Variants in MAGEC3 observed in about 807,000 individuals in gnomAD.
MAGEC3 encodes melanoma-associated antigen C3.
MAGEC3 carries 34 observed loss-of-function variants against 35.3 expected under a neutral mutation model. The observed-to-expected ratio is 0.96, with a 90% CI of 0.73 to 1.28. The LOEUF is 1.28. Ranked by LOEUF, MAGEC3 falls within the 50% of genes most tolerant of loss-of-function variation. The pLI is 0.00. For synonymous variants in MAGEC3, 202 were observed against 185.6 expected (o/e 1.09, Z -0.72); for missense variants, 561 against 483.6 (o/e 1.16, Z -1.50).
intron 2 of MAGEC3, among the ~76,000 whole-genome samples, chrX:141,873,891 A>G (rs2017903551): frequency 8.9e-6 from 1 of 112,108 alleles, no homozygotes; most frequent in Admixed American, 9.5e-5. Context: ...GTGGAAAGGC[A>G]AAAGACTAAG....
chrX:141,871,202 A>G (rs904130838), intron 2 of MAGEC3, among the ~76,000 whole-genome samples: 1 of 111,826 alleles, frequency 8.9e-6, no homozygotes, highest in East Asian at 2.8e-4. Context: ...TAATTTCCCA[A>G]TTGGATTATT....
At chrX:141,873,277 C>T in intron 2 of MAGEC3, among the ~76,000 whole-genome samples, 1 of 111,048 alleles carries the variant, frequency 9.0e-6, no homozygotes, top group Non-Finnish European at 1.9e-5. Context: ...CAGCTGCAGG[C>T]ATACTCCCTG....
At chrX:141,867,904 T>C (rs188902475) in intron 2 of MAGEC3, among the ~76,000 whole-genome samples, 28 of 111,859 alleles carry the variant, frequency 2.5e-4, no homozygotes, top group Admixed American at 1.8e-3. Flanking sequence ...GGGCGGATCA[T>C]GAGGTCAGGA....
chrX:141,863,411 A>G (rs960278928), intron 1 of MAGEC3, among the ~76,000 whole-genome samples: 2 of 111,445 alleles, frequency 1.8e-5, no homozygotes, highest in Non-Finnish European at 3.8e-5. Context: ...ATGACATTAT[A>G]TATTTGTCAA....
intron 4 of MAGEC3, among the ~76,000 whole-genome samples, chrX:141,894,965 T>G (rs1602633184): frequency 8.2e-5 from 5 of 61,244 alleles, no homozygotes; most frequent in Admixed American, 2.1e-4. Flanking sequence ...TGGGAGGGAG[T>G]GGGAAAGTGG....
At chrX:141,896,388 C>T (rs1470999645) in intron 6 of MAGEC3, 2 of 1,055,253 alleles carry the variant, frequency 1.9e-6, no homozygotes, top group East Asian at 3.3e-5. Flanking sequence ...CAGGCTCTGC[C>T]TGCCAGCTGT....
At chrX:141,863,029 A>G (rs946223914) in intron 1 of MAGEC3, among the ~76,000 whole-genome samples, 4 of 111,915 alleles carry the variant, frequency 3.6e-5, no homozygotes, top group Admixed American at 1.9e-4. Context: ...CACATTCTAT[A>G]CATGTAACCA....
chrX:141,891,680 T>C (rs1267626123), intron 4 of MAGEC3, among the ~76,000 whole-genome samples: 1 of 103,995 alleles, frequency 9.6e-6, no homozygotes, highest in Non-Finnish European at 2.0e-5. Flanking sequence ...TATATATGCA[T>C]ATATAAATAT....
At chrX:141,839,027 A>G (rs2017670347) in intron 1 of MAGEC3, 1 of 194,498 alleles carries the variant, frequency 5.1e-6, no homozygotes, top group Non-Finnish European at 7.7e-6. Flanking sequence ...GCAGCTTTCT[A>G]TGTTAGTTTC....
chrX:141,885,196 A>G (rs2017993195), intron 4 of MAGEC3, among the ~76,000 whole-genome samples: 1 of 111,690 alleles, frequency 9.0e-6, no homozygotes, highest in Non-Finnish European at 1.9e-5. Context: ...ACACTCGAAA[A>G]GAACTGCTTG....
Position 141,879,392 on chromosome X carries a change from T to A in MAGEC3, c.476T>A (p.Val159Asp), listed in dbSNP as rs775462678. 11 of 1,187,420 alleles carry A rather than the reference T, an allele frequency of 9.3e-6. No individual in the cohort carries two copies. In the South Asian group the frequency reaches 1.3e-4, roughly 14 times the overall value. ...GGCTACACCCTTTCCCTTCCTGCCGTCAGCCCTGGAAAAAGGTTGTGGGGG... is the reference window on the plus strand; with the variant it reads ...GGCTACACCCTTTCCCTTCCTGCCGACAGCCCTGGAAAAAGGTTGTGGGGG... ...GTGYTLSLPA[V>D]SPGKRLWGEK... The change falls in exon 3 of 8, where the codon GTC (valine) becomes GAC (aspartate). Residue 159 changes from valine to aspartate, a missense_variant. Transcript: ENST00000298296.
At chrX:141,852,063 A>G (rs1055047575) in intron 1 of MAGEC3, among the ~76,000 whole-genome samples, 2 of 106,697 alleles carry the variant, frequency 1.9e-5, no homozygotes, top group African/African-American at 3.4e-5. Flanking sequence ...AAGTCCTCCA[A>G]TCCGTGAACA....
intron 1 of MAGEC3, among the ~76,000 whole-genome samples, chrX:141,841,087 CTT>C (rs1245518131): frequency 9.0e-6 from 1 of 111,170 alleles, no homozygotes; most frequent in Non-Finnish European, 1.9e-5. Context: ...CTTCTTTCTT[CTT>C]TTCTTTCCAC....
At chrX:141,879,002 C>T (rs1475178107) in intron 2 of MAGEC3, among the ~76,000 whole-genome samples, 173 bp from the exon 3 acceptor site, 8 of 112,302 alleles carry the variant, frequency 7.1e-5, no homozygotes, top group African/African-American at 2.3e-4. Context: ...CCCTCTCTTG[C>T]ACCTTGCAGG....
At position 141,895,497 on chromosome X, in the gene MAGEC3, A is replaced by G. The variant is rs201775256; in HGVS notation, c.1061A>G (p.His354Arg). The G allele has an allele frequency of 7.4e-6, 9 of 1,208,431 alleles. No individual in the cohort carries two copies. The African/African-American group carries it at 1.4e-4, about 19-fold the overall frequency. Reference sequence around the variant, plus strand: ...TGCGCTGCCATAGGACTTGCAGGCCACAGACAGGAAGATGGCCGCCGAGGG... The same window carrying G: ...TGCGCTGCCATAGGACTTGCAGGCCGCAGACAGGAAGATGGCCGCCGAGGG... ...DLANPQGLAG[H>R]RQEDGRRGLT... The change falls in exon 6 of 8, where the codon CAC becomes CGC. Residue 354 changes from histidine (H) to arginine (R), a missense_variant. Transcript: ENST00000298296.
chrX:141,848,611 A>T (rs890749870), intron 1 of MAGEC3, among the ~76,000 whole-genome samples: 6 of 111,401 alleles, frequency 5.4e-5, no homozygotes, highest in Non-Finnish European at 9.5e-5. Flanking sequence ...CAAAGCATAG[A>T]GAAAAGAAAT....
chrX:141,846,797 C>T (rs2017719785), intron 1 of MAGEC3, among the ~76,000 whole-genome samples: 1 of 110,860 alleles, frequency 9.0e-6, no homozygotes, highest in Non-Finnish European at 1.9e-5. Context: ...ATTTAATGAG[C>T]TCCATTGTTA....
chrX:141,841,863 G>A (rs2017687849), intron 1 of MAGEC3, among the ~76,000 whole-genome samples: 1 of 111,780 alleles, frequency 8.9e-6, no homozygotes, highest in South Asian at 3.7e-4. Context: ...CATATTTGCT[G>A]GCACATGAAG....
At chrX:141,887,664 AGAG>A (rs2018012633) in intron 4 of MAGEC3, among the ~76,000 whole-genome samples, 1 of 112,155 alleles carries the variant, frequency 8.9e-6, no homozygotes, top group Non-Finnish European at 1.9e-5. Flanking sequence ...GAGGTTCAGA[AGAG>A]GAGAAGGCTC....
Sources: gnomAD v4.1 joint callset for allele counts (sites outside exome capture counted in the v4.1 genomes callset) on GRCh38, gnomAD v4.1.1 for gene constraint, MANE v1.5 for transcripts, NCBI Gene and HGNC (gene_info 2026-07-23, HGNC 2026-07-21) for gene names.